The following DPYD variants were observed in gnomAD, a reference collection of about 807,000 sequenced individuals.
DPYD encodes the protein dihydropyrimidine dehydrogenase [NADP(+)].
DPYD carries 109 observed loss-of-function variants against 116.2 expected under a neutral mutation model. The ratio of observed to expected loss-of-function variants is 0.94; its 90% confidence interval spans 0.80 to 1.10. The LOEUF (loss-of-function observed/expected upper bound fraction) is 1.10. Ranked by LOEUF, DPYD falls within the 50% of genes least tolerant of loss-of-function variation. DPYD has a pLI of 0.00. For missense variants in DPYD, 1,302 were observed against 1,254.5 expected, an observed-to-expected ratio of 1.04 and a Z score of -0.57; for synonymous variants, 440 against 432.0, an observed-to-expected ratio of 1.02 and a Z score of -0.23.
intron 8 of DPYD, among the ~76,000 whole-genome samples, chr1:97,630,908 A>C (rs1228591770): frequency 1.3e-5 from 2 of 152,126 alleles, no homozygotes; most frequent in Non-Finnish European, 1.5e-5. Context: ...ATCAATAGGA[A>C]GTATTATCAA....
At chr1:97,692,838 AGATT>A (rs1477163974) in intron 6 of DPYD, among the ~76,000 whole-genome samples, 1 of 152,170 alleles carries the variant, frequency 6.6e-6, no homozygotes, top group Non-Finnish European at 1.5e-5. Flanking sequence ...TATATTATAG[AGATT>A]AATTTGGAAA....
intron 16 of DPYD, among the ~76,000 whole-genome samples, chr1:97,331,630 G>C (rs1040832877): frequency 2.2e-4 from 34 of 152,044 alleles, no homozygotes; most frequent in Non-Finnish European, 4.6e-4. Flanking sequence ...AAGCAAAGAA[G>C]GAGGAAAGAA....
intron 20 of DPYD, among the ~76,000 whole-genome samples, chr1:97,123,750 GTCTA>G (rs2101650851): frequency 6.6e-6 from 1 of 152,132 alleles, no homozygotes; most frequent in Non-Finnish European, 1.5e-5. Context: ...TTATTTTATA[GTCTA>G]TCTAATCTTT....
chr1:97,389,482 C>T (rs552534335), intron 14 of DPYD, among the ~76,000 whole-genome samples: 88 of 152,056 alleles, frequency 5.8e-4, no homozygotes, highest in African/African-American at 2.0e-3. Flanking sequence ...ACACAGATTA[C>T]AGTCCCCTTT....
At chr1:97,445,537 TC>T (rs2101775177) in intron 14 of DPYD, among the ~76,000 whole-genome samples, 1 of 152,254 alleles carries the variant, frequency 6.6e-6, no homozygotes, top group African/African-American at 2.4e-5. Flanking sequence ...TAAGGTCCCT[TC>T]ATGAATATTC....
intron 20 of DPYD, among the ~76,000 whole-genome samples, chr1:97,118,244 A>G (rs554015633): frequency 5.3e-5 from 8 of 152,252 alleles, no homozygotes; most frequent in Admixed American, 1.3e-4. Flanking sequence ...CTCCCAGTCC[A>G]GGCGGGTCTT....
At chr1:97,599,544 T>C (rs1655116681) in intron 8 of DPYD, among the ~76,000 whole-genome samples, 1 of 152,092 alleles carries the variant, frequency 6.6e-6, no homozygotes. Context: ...TAGTGTTAAC[T>C]GAATGATGCA....
At chr1:97,899,265 A>T (rs527584525) in intron 1 of DPYD, among the ~76,000 whole-genome samples, 13 of 151,918 alleles carry the variant, frequency 8.6e-5, no homozygotes, top group African/African-American at 2.7e-4. Flanking sequence ...CTAACACGCA[A>T]TTAAAAACCC....
chr1:97,281,579 G>A (rs1665327674), intron 18 of DPYD, among the ~76,000 whole-genome samples: 1 of 151,792 alleles, frequency 6.6e-6, no homozygotes, highest in African/African-American at 2.4e-5. Context: ...TTAAGTATGA[G>A]GATAGAATAA....
chr1:97,082,898 C>T (rs933630020), intron 21 of DPYD, among the ~76,000 whole-genome samples: 4 of 152,024 alleles, frequency 2.6e-5, no homozygotes, highest in Admixed American at 1.3e-4. Flanking sequence ...GAAGGGAATA[C>T]GAGTGTGAAT....
intron 8 of DPYD, among the ~76,000 whole-genome samples, chr1:97,644,047 C>T (rs1267051521): frequency 2.6e-5 from 4 of 151,610 alleles, no homozygotes; most frequent in East Asian, 1.9e-4. Flanking sequence ...CAAACCTGCA[C>T]GTTCTGCACA....
intron 11 of DPYD, among the ~76,000 whole-genome samples, chr1:97,553,385 T>G (rs1182812208): frequency 6.6e-6 from 1 of 151,994 alleles, no homozygotes; most frequent in African/African-American, 2.4e-5. Flanking sequence ...AGGAATTCAT[T>G]TATTTAGTTG....
intron 8 of DPYD, among the ~76,000 whole-genome samples, chr1:97,659,206 T>C (rs922043283): frequency 2.0e-5 from 3 of 152,154 alleles, no homozygotes; most frequent in Non-Finnish European, 4.4e-5. Context: ...CTGATCTTTG[T>C]GAAGTCAAGA....
At chr1:97,858,168 AT>A (rs2101585222) in intron 2 of DPYD, among the ~76,000 whole-genome samples, 1 of 152,214 alleles carries the variant, frequency 6.6e-6, no homozygotes, top group South Asian at 2.1e-4. Flanking sequence ...CTATTAAGTG[AT>A]TATACAGTGG....
At chr1:97,719,613 C>T (rs1476847892) in intron 5 of DPYD, 1 of 747,600 alleles carries the variant, frequency 1.3e-6, no homozygotes, top group Non-Finnish European at 1.6e-6. Flanking sequence ...AACGGAGTTA[C>T]TCGTTTTGTT....
chr1:97,129,453 C>T (rs1241933035), intron 20 of DPYD, among the ~76,000 whole-genome samples: 2 of 152,108 alleles, frequency 1.3e-5, no homozygotes, highest in Non-Finnish European at 2.9e-5. Flanking sequence ...TTCCTTGTCA[C>T]GATCATTGAT....
At chr1:97,455,113 C>T (rs1676609903) in intron 13 of DPYD, among the ~76,000 whole-genome samples, 1 of 151,658 alleles carries the variant, frequency 6.6e-6, no homozygotes, top group Non-Finnish European at 1.5e-5. Flanking sequence ...TAGAAGTTAC[C>T]TCTTGGAGTA....
At chr1:97,851,706 CA>C (rs1461657371) in intron 2 of DPYD, among the ~76,000 whole-genome samples, 3 of 68,670 alleles carry the variant, frequency 4.4e-5, no homozygotes, top group Non-Finnish European at 1.0e-4. Context: ...GTGACAGTAG[CA>C]AAGAAAAAAA....
intron 13 of DPYD, among the ~76,000 whole-genome samples, chr1:97,474,730 T>A (rs1003561896): frequency 2.6e-5 from 4 of 151,994 alleles, no homozygotes; most frequent in Non-Finnish European, 4.4e-5. Flanking sequence ...ATGTAGATAT[T>A]TAATTTTGGC....
Sources: allele counts gnomAD v4.1 joint callset (sites outside exome capture counted in the v4.1 genomes callset), GRCh38; gene constraint gnomAD v4.1.1; transcripts MANE v1.5; gene names NCBI Gene and HGNC (gene_info 2026-07-23, HGNC 2026-07-21).